Variants in SDK1 observed in about 807,000 individuals in gnomAD.
SDK1 encodes the protein sidekick cell adhesion molecule 1, also known as protein sidekick-1.
A neutral mutation model predicts 245.5 loss-of-function variants in SDK1; 157 were observed. That is an observed-to-expected ratio of 0.64 (90% CI 0.56 to 0.73). The LOEUF (loss-of-function observed/expected upper bound fraction) is 0.73. Among genes scored for constraint, SDK1 ranks in the 30% least tolerant of loss-of-function variants. The pLI is 0.00. For missense variants in SDK1, 3,583 were observed against 3,002.3 expected, an observed-to-expected ratio of 1.19 and a Z score of -4.52; for synonymous variants, 1,647 against 1,278.5, an observed-to-expected ratio of 1.29 and a Z score of -6.15.
intron 25 of SDK1, among the ~76,000 whole-genome samples, chr7:4,117,280 C>G (rs912661131): frequency 2.0e-5 from 3 of 152,114 alleles, no homozygotes; most frequent in African/African-American, 7.2e-5. Flanking sequence ...CCAGCCTAGG[C>G]AACATAGTGA....
intron 40 of SDK1, among the ~76,000 whole-genome samples, chr7:4,224,673 C>G (rs1463660184): frequency 6.6e-6 from 1 of 151,992 alleles, no homozygotes; most frequent in African/African-American, 2.4e-5. Context: ...GTCCTTGAGC[C>G]AACAGATCGC....
chr7:4,092,063 G>A (rs75875689), intron 22 of SDK1, among the ~76,000 whole-genome samples: 2,148 of 152,234 alleles, frequency 0.014, 49 homozygotes, highest in African/African-American at 0.049. Context: ...GACAGGGCCC[G>A]GAATCCCAGC....
intron 1 of SDK1, among the ~76,000 whole-genome samples, chr7:3,471,486 C>G (rs1362546222): frequency 6.6e-6 from 1 of 152,132 alleles, no homozygotes; most frequent in Non-Finnish European, 1.5e-5. Context: ...ACTACAGGTA[C>G]TTAAAACCTT....
chr7:3,523,533 C>A (rs1213741119), intron 1 of SDK1, among the ~76,000 whole-genome samples: 1 of 152,116 alleles, frequency 6.6e-6, no homozygotes, highest in East Asian at 1.9e-4. Context: ...TCAATGTTAG[C>A]TAAAGCTCCT....
At chr7:3,894,859 T>G (rs1027209123) in intron 5 of SDK1, among the ~76,000 whole-genome samples, 1 of 151,686 alleles carries the variant, frequency 6.6e-6, no homozygotes, top group Non-Finnish European at 1.5e-5. Flanking sequence ...CCTGGCTAAT[T>G]TTTTGTGTCT....
intron 4 of SDK1, among the ~76,000 whole-genome samples, chr7:3,762,841 T>C (rs1321337835): frequency 6.6e-6 from 1 of 152,228 alleles, no homozygotes; most frequent in African/African-American, 2.4e-5. Context: ...AGTATGAATA[T>C]GTTATAAAAT....
chr7:3,696,265 T>G (rs1304552252), intron 4 of SDK1, among the ~76,000 whole-genome samples: 1 of 152,280 alleles, frequency 6.6e-6, no homozygotes. Context: ...TGCTCCACTG[T>G]GTGATCTTGG....
chr7:4,073,965 G>A (rs1008445791), intron 20 of SDK1, among the ~76,000 whole-genome samples: 1 of 152,072 alleles, frequency 6.6e-6, no homozygotes, highest in Non-Finnish European at 1.5e-5. Flanking sequence ...GCACTATGGG[G>A]TGGGGCGGGG....
intron 17 of SDK1, among the ~76,000 whole-genome samples, chr7:4,038,571 T>C (rs778386333): frequency 1.3e-5 from 2 of 152,248 alleles, no homozygotes; most frequent in Admixed American, 6.5e-5. Context: ...CTTCTAATGG[T>C]ATTATTCGAA....
At chr7:3,981,624 A>G (rs1783410860) in intron 13 of SDK1, among the ~76,000 whole-genome samples, 1 of 152,244 alleles carries the variant, frequency 6.6e-6, no homozygotes, top group African/African-American at 2.4e-5. Flanking sequence ...AAAGTGAAAC[A>G]GTCTTATTGC....
intron 1 of SDK1, among the ~76,000 whole-genome samples, chr7:3,540,990 C>G (rs1779037242): frequency 6.6e-6 from 1 of 152,144 alleles, no homozygotes; most frequent in East Asian, 1.9e-4. Flanking sequence ...GAGGAAAGCC[C>G]AGTTAAAATC....
intron 5 of SDK1, among the ~76,000 whole-genome samples, chr7:3,923,178 G>A (rs1021546286): frequency 5.9e-5 from 9 of 152,140 alleles, no homozygotes; most frequent in Admixed American, 4.6e-4. Flanking sequence ...AGATTCTCTG[G>A]TTGATCTCAA....
chr7:3,409,448 GCTGA>G (rs1362024061), intron 1 of SDK1, among the ~76,000 whole-genome samples: 1 of 152,030 alleles, frequency 6.6e-6, no homozygotes, highest in African/African-American at 2.4e-5. Flanking sequence ...TTCACCCTTG[GCTGA>G]CTTTCACCCA....
chr7:3,736,530 C>G (rs1249793227), intron 4 of SDK1, among the ~76,000 whole-genome samples: 4 of 152,140 alleles, frequency 2.6e-5, no homozygotes, highest in Non-Finnish European at 1.5e-5. Context: ...CCTCGGCCTC[C>G]CAAAGTGCTG....
chr7:4,135,391 A>G (rs1779006126), intron 28 of SDK1, among the ~76,000 whole-genome samples: 1 of 152,220 alleles, frequency 6.6e-6, no homozygotes, highest in Admixed American at 6.5e-5. Flanking sequence ...CTGCACTTCC[A>G]GGCCTTCGCC....
In SDK1 at chr7:4,228,751, G is replaced by A. The variant is rs541899698; in HGVS notation, c.5828-4504G>A. 2.0e-5 allele frequency among the ~76,000 whole-genome samples: 3 copies of A among 152,290 alleles called. No homozygotes were observed. The East Asian group carries it at 5.8e-4, about 29-fold the overall frequency. ...GACGGGGTTTCACCATGTTGATCAG[G>A]CTGGTCTTGAACTCGTGACCTCGTG... On this transcript the variant is annotated intron_variant, in intron 40 of 44. Coordinates refer to ENST00000404826, the MANE Select transcript of SDK1 (RefSeq NM_152744.4).
intron 19 of SDK1, among the ~76,000 whole-genome samples, chr7:4,065,320 C>T (rs997555837): frequency 6.6e-6 from 1 of 152,070 alleles, no homozygotes; most frequent in Non-Finnish European, 1.5e-5. Context: ...TCCCAAAGCT[C>T]CGAGGAAATG....
At chr7:4,132,249 C>A in intron 27 of SDK1, 76 bp from the exon 28 acceptor site, 1 of 1,190,482 alleles carries the variant, frequency 8.4e-7, no homozygotes, top group Non-Finnish European at 1.2e-6. Context: ...AGCTGACCCT[C>A]GGAATCCTGT....
intron 4 of SDK1, among the ~76,000 whole-genome samples, chr7:3,672,820 G>T (rs1783759967): frequency 3.6e-5 from 3 of 84,160 alleles, no homozygotes; most frequent in East Asian, 3.5e-4. Flanking sequence ...CTCTAAGTAT[G>T]CACAGATCAC....
Sources: allele counts gnomAD v4.1 joint callset (sites outside exome capture counted in the v4.1 genomes callset), GRCh38; gene constraint gnomAD v4.1.1; transcripts MANE v1.5; gene names NCBI Gene and HGNC (gene_info 2026-07-23, HGNC 2026-07-21).